The following NELL1 variants were observed in gnomAD, a reference collection of about 807,000 sequenced individuals.
NELL1 encodes the protein protein kinase C-binding protein NELL1.
Under a neutral mutation model 107.4 loss-of-function variants are expected in NELL1, and 76 were observed. The ratio of observed to expected loss-of-function variants is 0.71; its 90% CI spans 0.59 to 0.86. The LOEUF (loss-of-function observed/expected upper bound fraction) is 0.86. Ranked by LOEUF, NELL1 falls within the 40% of genes least tolerant of loss-of-function variation. NELL1 has a pLI of 0.00. For synonymous variants in NELL1, 353 were observed against 341.2 expected (o/e 1.03, Z -0.38); for missense variants, 1,024 against 1,005.5 (o/e 1.02, Z -0.25).
intron 2 of NELL1, among the ~76,000 whole-genome samples, chr11:20,704,844 C>T (rs927533469): frequency 1.3e-5 from 2 of 152,112 alleles, no homozygotes; most frequent in Non-Finnish European, 2.9e-5. Context: ...TGCAAAAATT[C>T]ACAGACATTC....
intron 14 of NELL1, among the ~76,000 whole-genome samples, chr11:21,242,689 ACT>A (rs1386572460): frequency 1.3e-5 from 2 of 149,080 alleles, no homozygotes; most frequent in African/African-American, 2.4e-5. Flanking sequence ...AGTTTAAATA[ACT>A]CTCTGTTTGA....
At chr11:21,098,844 T>A (rs746835660) in intron 12 of NELL1, among the ~76,000 whole-genome samples, 1 of 152,140 alleles carries the variant, frequency 6.6e-6, no homozygotes, top group Non-Finnish European at 1.5e-5. Context: ...CGTGTATGTG[T>A]GTGTTTGTGT....
chr11:20,850,530 T>C lies in NELL1; in HGVS notation c.506+2777T>C, dbSNP rs575481376. ...GAGGTTATATATTTGTCTGTAACCCTGCTACTAATAAATGGCAGCACCAGG... is the reference window on the plus strand; with the variant it reads ...GAGGTTATATATTTGTCTGTAACCCCGCTACTAATAAATGGCAGCACCAGG... On this transcript the variant is annotated intron_variant, in intron 4 of 19. Coordinates refer to ENST00000357134, the MANE Select transcript of NELL1 (RefSeq NM_006157.5). Among the ~76,000 whole-genome samples, 4 of 152,340 alleles carry C rather than the reference T, an allele frequency of 2.6e-5. No homozygotes were observed. The East Asian group carries it at 5.8e-4, about 22-fold the overall frequency.
chr11:20,751,665 C>T (rs1856143092), intron 2 of NELL1, among the ~76,000 whole-genome samples: 1 of 144,416 alleles, frequency 6.9e-6, no homozygotes. Context: ...AAAAAAAAAA[C>T]TCTTTTTAGA....
chr11:20,678,677 A>G (rs1854120950), intron 2 of NELL1, among the ~76,000 whole-genome samples: 1 of 152,174 alleles, frequency 6.6e-6, no homozygotes, highest in Admixed American at 6.5e-5. Flanking sequence ...TGCTTCCAAG[A>G]TGATGCCTTG....
At chr11:21,291,603 G>T (rs1306934046) in intron 14 of NELL1, among the ~76,000 whole-genome samples, 1 of 152,026 alleles carries the variant, frequency 6.6e-6, no homozygotes, top group Non-Finnish European at 1.5e-5. Flanking sequence ...ACCAAAACCT[G>T]GCAGAGATAC....
chr11:21,507,623 G>A (rs1855315534), intron 15 of NELL1, among the ~76,000 whole-genome samples: 2 of 151,774 alleles, frequency 1.3e-5, no homozygotes, highest in South Asian at 4.2e-4. Context: ...TTTATTTAAT[G>A]AGCAAAGCAT....
chr11:20,900,115 G>T (rs1474021665), intron 5 of NELL1, among the ~76,000 whole-genome samples: 1 of 152,140 alleles, frequency 6.6e-6, no homozygotes, highest in Non-Finnish European at 1.5e-5. Flanking sequence ...TCTTTGATCA[G>T]CTGCTGGGGT....
intron 15 of NELL1, among the ~76,000 whole-genome samples, chr11:21,502,891 T>C (rs1855178527): frequency 6.6e-6 from 1 of 152,208 alleles, no homozygotes; most frequent in South Asian, 2.1e-4. Flanking sequence ...TTTATGTATT[T>C]ACTTTTTTGA....
At chr11:21,049,233 G>A (rs377645099) in intron 12 of NELL1, among the ~76,000 whole-genome samples, 1 of 152,164 alleles carries the variant, frequency 6.6e-6, no homozygotes, top group African/African-American at 2.4e-5. Flanking sequence ...TTCCCAGAAA[G>A]AGACTCAGCT....
At chr11:21,419,524 T>A (rs1202428164) in intron 15 of NELL1, among the ~76,000 whole-genome samples, 2 of 152,118 alleles carry the variant, frequency 1.3e-5, no homozygotes, top group African/African-American at 2.4e-5. Context: ...TTACAGCAAC[T>A]GTTGTCATCA....
intron 12 of NELL1, among the ~76,000 whole-genome samples, chr11:20,984,620 A>G (rs952928768): frequency 7.9e-5 from 12 of 151,804 alleles, no homozygotes; most frequent in African/African-American, 2.9e-4. Flanking sequence ...CCTAGCCTTT[A>G]CGGCCATCTC....
intron 16 of NELL1, among the ~76,000 whole-genome samples, chr11:21,550,999 T>TGC (rs1300928662): frequency 2.0e-5 from 3 of 148,066 alleles, no homozygotes; most frequent in African/African-American, 4.9e-5. Flanking sequence ...CATTTGGTTT[T>TGC]ATCCTCTTTT....
intron 12 of NELL1, among the ~76,000 whole-genome samples, chr11:21,079,838 A>G (rs1854224370): frequency 6.6e-6 from 1 of 152,088 alleles, no homozygotes; most frequent in Non-Finnish European, 1.5e-5. Context: ...AGGAAAATTG[A>G]AAGGGGCAGT....
chr11:21,138,000 T>C (rs963847300), intron 13 of NELL1, among the ~76,000 whole-genome samples: 4 of 152,320 alleles, frequency 2.6e-5, no homozygotes, highest in African/African-American at 9.6e-5. Flanking sequence ...CTTTGAAATG[T>C]AGTGTACACT....
intron 15 of NELL1, among the ~76,000 whole-genome samples, chr11:21,397,303 C>A (rs1268931750): frequency 6.6e-6 from 1 of 151,510 alleles, no homozygotes; most frequent in African/African-American, 2.4e-5. Context: ...TGAATAGATT[C>A]ATAATTTTTT....
chr11:20,813,295 A>G (rs1185665211), intron 3 of NELL1, among the ~76,000 whole-genome samples: 1 of 152,236 alleles, frequency 6.6e-6, no homozygotes, highest in African/African-American at 2.4e-5. Flanking sequence ...GATTGGGTTT[A>G]GTCTCTGAAA....
At chr11:21,217,590 G>A (rs369968650) in intron 13 of NELL1, among the ~76,000 whole-genome samples, 1 of 152,152 alleles carries the variant, frequency 6.6e-6, no homozygotes, top group African/African-American at 2.4e-5. Context: ...AGTTTCAGAA[G>A]TACAACCTAT....
At chr11:21,281,883 A>G (rs970302787) in intron 14 of NELL1, among the ~76,000 whole-genome samples, 1 of 152,244 alleles carries the variant, frequency 6.6e-6, no homozygotes, top group Non-Finnish European at 1.5e-5. Flanking sequence ...ACCTCAAACT[A>G]TGAAACTACT....
Sources: allele counts gnomAD v4.1 joint callset (sites outside exome capture counted in the v4.1 genomes callset), GRCh38; gene constraint gnomAD v4.1.1; transcripts MANE v1.5; gene names NCBI Gene and HGNC (gene_info 2026-07-23, HGNC 2026-07-21).